The following GRIP1 variants were observed in gnomAD, a reference collection of about 807,000 sequenced individuals.
GRIP1 encodes glutamate receptor interacting protein 1, also known as glutamate receptor-interacting protein 1.
A neutral mutation model predicts 129.9 loss-of-function variants in GRIP1; 45 were observed. That is an observed-to-expected ratio of 0.35 (90% CI 0.27 to 0.44). The LOEUF is 0.44. Ranked by LOEUF, GRIP1 falls within the 20% of genes least tolerant of loss-of-function variation. GRIP1 has a pLI of 1.00. For missense variants in GRIP1, 1,196 were observed against 1,396.8 expected (o/e 0.86, Z 2.29); for synonymous variants, 530 against 520.8 (o/e 1.02, Z -0.24).
chr12:66,993,322 C>T (rs2042421825), intron 1 of GRIP1, among the ~76,000 whole-genome samples: 1 of 151,658 alleles, frequency 6.6e-6, no homozygotes, highest in African/African-American at 2.4e-5. Context: ...ACTAAACCTG[C>T]AACAATCAGA....
At chr12:66,479,832 C>T (rs2059745859) in intron 7 of GRIP1, among the ~76,000 whole-genome samples, 1 of 144,922 alleles carries the variant, frequency 6.9e-6, no homozygotes, top group Non-Finnish European at 1.5e-5. Flanking sequence ...ATGATTATCT[C>T]AATAGATGTA....
At chr12:66,580,325 G>A (rs200136451) in intron 2 of GRIP1, among the ~76,000 whole-genome samples, 6 of 150,390 alleles carry the variant, frequency 4.0e-5, no homozygotes, top group South Asian at 2.2e-4. Flanking sequence ...AAAGACCATC[G>A]AGACTAGGAA....
At chr12:66,790,816 A>C (rs1009399876) in intron 1 of GRIP1, among the ~76,000 whole-genome samples, 2 of 152,070 alleles carry the variant, frequency 1.3e-5, no homozygotes, top group Non-Finnish European at 2.9e-5. Flanking sequence ...CTAAATTACA[A>C]AACGAGGGAG....
intron 1 of GRIP1, among the ~76,000 whole-genome samples, chr12:66,969,927 C>G (rs1166834064): frequency 3.3e-5 from 5 of 152,172 alleles, no homozygotes; most frequent in African/African-American, 9.6e-5. Flanking sequence ...CATCACCCCT[C>G]TGTTCTTGCA....
chr12:66,817,728 A>G (rs2039249114), intron 1 of GRIP1, among the ~76,000 whole-genome samples: 1 of 152,162 alleles, frequency 6.6e-6, no homozygotes, highest in South Asian at 2.1e-4. Flanking sequence ...ATTTTAAAAT[A>G]TGTTTATTAC....
At chr12:67,057,034 T>C (rs2043448753) in intron 1 of GRIP1, among the ~76,000 whole-genome samples, 6 of 152,070 alleles carry the variant, frequency 3.9e-5, no homozygotes, top group Admixed American at 3.9e-4. Flanking sequence ...CTGGTTTCTT[T>C]TGAACTCCTG....
chr12:66,885,631 T>C (rs2040553472), intron 1 of GRIP1, among the ~76,000 whole-genome samples: 3 of 152,102 alleles, frequency 2.0e-5, no homozygotes, highest in South Asian at 2.1e-4. Context: ...CAGGGGCTCG[T>C]GCCTGAAGAC....
intron 23 of GRIP1, among the ~76,000 whole-genome samples, chr12:66,358,289 T>C (rs2054588477): frequency 6.6e-6 from 1 of 152,230 alleles, no homozygotes; most frequent in South Asian, 2.1e-4. Flanking sequence ...TGGACTCCTG[T>C]GTCCTTTTGA....
At chr12:66,913,248 G>A (rs2041062679) in intron 1 of GRIP1, among the ~76,000 whole-genome samples, 2 of 152,334 alleles carry the variant, frequency 1.3e-5, no homozygotes, top group African/African-American at 2.4e-5. Context: ...CACAAGCAAT[G>A]TGGACCTCCC....
At chr12:66,967,362 A>G (rs1030023455) in intron 1 of GRIP1, among the ~76,000 whole-genome samples, 4 of 152,180 alleles carry the variant, frequency 2.6e-5, no homozygotes, top group Non-Finnish European at 5.9e-5. Context: ...TCTAGTCACC[A>G]TACTATGCAA....
At chr12:66,484,433 A>G (rs2059897655) in intron 7 of GRIP1, among the ~76,000 whole-genome samples, 1 of 152,208 alleles carries the variant, frequency 6.6e-6, no homozygotes, top group Admixed American at 6.5e-5. Flanking sequence ...AATCAACCTA[A>G]GTGTCTATTG....
chr12:66,384,670 G>A lies in GRIP1; in HGVS notation c.2465-5234C>T, dbSNP rs1381776100. ...AGAAATGTGGGAAAAGATGCTCAAA[G>A]TAAGAAGATAAGTGAGGAAGGAGTT... On this transcript the variant is annotated intron_variant, in intron 19 of 24. Transcript: ENST00000359742. Among the ~76,000 whole-genome samples, 5 of 152,298 alleles carry A rather than the reference G, an allele frequency of 3.3e-5. No homozygotes were observed. The East Asian group carries it at 9.6e-4, about 29-fold the overall frequency.
intron 1 of GRIP1, among the ~76,000 whole-genome samples, chr12:67,041,504 A>G (rs1363355382): frequency 1.3e-5 from 2 of 152,096 alleles, no homozygotes; most frequent in Admixed American, 1.3e-4. Context: ...AAATCCAATG[A>G]ACTTGGTTTC....
chr12:66,424,948 CT>C (rs1193130755), intron 14 of GRIP1, among the ~76,000 whole-genome samples: 3 of 152,024 alleles, frequency 2.0e-5, no homozygotes, highest in African/African-American at 7.2e-5. Context: ...AGGTTCTCTT[CT>C]CTTCTCTCTT....
At chr12:66,772,934 C>G (rs1210305948) in intron 1 of GRIP1, among the ~76,000 whole-genome samples, 1 of 152,120 alleles carries the variant, frequency 6.6e-6, no homozygotes, top group Non-Finnish European at 1.5e-5. Flanking sequence ...AGAGAGGAAA[C>G]CTTCCCCCAA....
chr12:66,961,893 T>C (rs2041926796), intron 1 of GRIP1, among the ~76,000 whole-genome samples: 1 of 152,196 alleles, frequency 6.6e-6, no homozygotes, highest in South Asian at 2.1e-4. Flanking sequence ...CTAAAAAACG[T>C]TGTTTGCTTA....
At chr12:66,999,914 T>C (rs969872113) in intron 1 of GRIP1, among the ~76,000 whole-genome samples, 1 of 152,156 alleles carries the variant, frequency 6.6e-6, no homozygotes, top group Non-Finnish European at 1.5e-5. Flanking sequence ...GCACTCATAA[T>C]TTTTCTCACG....
chr12:66,942,017 G>A (rs552288958), intron 1 of GRIP1, among the ~76,000 whole-genome samples: 3 of 152,302 alleles, frequency 2.0e-5, no homozygotes, highest in Admixed American at 2.0e-4. Flanking sequence ...TGAAACCAGG[G>A]AATGTTATTA....
chr12:66,511,869 G>A (rs1470635855), intron 7 of GRIP1, among the ~76,000 whole-genome samples: 1 of 152,142 alleles, frequency 6.6e-6, no homozygotes, highest in Non-Finnish European at 1.5e-5. Flanking sequence ...AGTTGATATA[G>A]TTTGGCTTTG....
Sources: gnomAD v4.1 joint callset for allele counts (sites outside exome capture counted in the v4.1 genomes callset) on GRCh38, gnomAD v4.1.1 for gene constraint, MANE v1.5 for transcripts, NCBI Gene and HGNC (gene_info 2026-07-23, HGNC 2026-07-21) for gene names.